TNIP1: variants seen among roughly 807,000 people sequenced by gnomAD.
TNIP1 encodes the protein TNFAIP3-interacting protein 1.
Under a neutral mutation model 86.6 loss-of-function variants are expected in TNIP1, and 22 were observed. The observed-to-expected ratio is 0.25, with a 90% CI of 0.18 to 0.36. The LOEUF (loss-of-function observed/expected upper bound fraction) is 0.36, where lower values mean the gene tolerates loss of function less well. TNIP1 is among the 10% of genes least tolerant of loss of function. TNIP1 has a pLI of 1.00. For missense variants in TNIP1, 709 were observed against 820.6 expected, an observed-to-expected ratio of 0.86 and a Z score of 1.66; for synonymous variants, 294 against 313.0, an observed-to-expected ratio of 0.94 and a Z score of 0.64.
At chr5:151,071,749 T>C (rs773858693) in intron 1 of TNIP1, among the ~76,000 whole-genome samples, 10 of 151,632 alleles carry the variant, frequency 6.6e-5, no homozygotes, top group Non-Finnish European at 1.2e-4. Context: ...TTCCTCAACA[T>C]GGCACACATC....
intron 17 of TNIP1, among the ~76,000 whole-genome samples, chr5:151,031,048 C>T (rs1052386154): frequency 2.0e-5 from 3 of 152,186 alleles, no homozygotes; most frequent in African/African-American, 7.2e-5. Flanking sequence ...AATCTCAAAT[C>T]CTGGAGCAGT....
intron 4 of TNIP1, among the ~76,000 whole-genome samples, chr5:151,060,927 C>T (rs1013014050): frequency 3.9e-5 from 6 of 152,232 alleles, no homozygotes; most frequent in East Asian, 1.9e-4. Flanking sequence ...GCAGCTGTTA[C>T]GGCCACCACC....
intron 7 of TNIP1, among the ~76,000 whole-genome samples, chr5:151,050,777 C>A (rs1759819782): frequency 6.6e-6 from 1 of 151,742 alleles, no homozygotes; most frequent in African/African-American, 2.4e-5. Context: ...CCCCACCACA[C>A]ACCCCCACCC....
Position 151,030,405 on chromosome 5 carries a change from G to A in TNIP1, c.*308C>T. ...TTGGCTGCCTCCCACTCTTAGGATTGCTGCTCCTGGAGGCTTCTGCAACGG... is the reference window on the plus strand; with the variant it reads ...TTGGCTGCCTCCCACTCTTAGGATTACTGCTCCTGGAGGCTTCTGCAACGG... On this transcript the variant is annotated 3_prime_UTR_variant, in exon 18 of 18. Coordinates refer to ENST00000521591, the MANE Select transcript of TNIP1 (RefSeq NM_006058.5). 2.0e-6 allele frequency: 1 copy of A among 512,232 alleles called. No individual in the cohort carries two copies. The highest frequency in any genetic ancestry group is 3.6e-6 in the Non-Finnish European group (1 of 281,152). 31.7% of individuals were successfully genotyped at this position (512,232 alleles called of 1,614,324 possible). A position where few individuals can be genotyped will look rare whatever the true frequency, so the allele number is the denominator to read the frequency against.
At chr5:151,062,693 T>C (rs1332326915) in intron 3 of TNIP1, among the ~76,000 whole-genome samples, 2 of 152,188 alleles carry the variant, frequency 1.3e-5, no homozygotes, top group African/African-American at 4.8e-5. Flanking sequence ...CAGTCCTTGC[T>C]GCAGGGAGCT....
chr5:151,060,104 C>A (rs1029746173), intron 5 of TNIP1, among the ~76,000 whole-genome samples: 5 of 152,154 alleles, frequency 3.3e-5, no homozygotes, highest in African/African-American at 1.2e-4. Context: ...TCACAACGGT[C>A]GGGTGCCCGT....
intron 5 of TNIP1, among the ~76,000 whole-genome samples, chr5:151,058,357 C>A (rs1760950697): frequency 6.6e-6 from 1 of 152,254 alleles, no homozygotes; most frequent in Non-Finnish European, 1.5e-5. Flanking sequence ...AAATAAAGCA[C>A]ACCGTGGGCC....
At chr5:151,040,846 A>C (rs997397409) in intron 11 of TNIP1, among the ~76,000 whole-genome samples, 1 of 152,194 alleles carries the variant, frequency 6.6e-6, no homozygotes, top group Non-Finnish European at 1.5e-5. Context: ...AGTTCCCATG[A>C]AGGGGAAAAC....
chr5:151,060,312 A>G lies in TNIP1; in HGVS notation c.435+6T>C. ...GTCAAGCCCGGGGTCCTGCCCGTCC[A>G]CTCACCATCGCATTGGCATGGCTGC... On this transcript the variant is annotated splice_donor_region_variant and intron_variant, in intron 5 of 17. Coordinates refer to ENST00000521591, the MANE Select transcript of TNIP1 (RefSeq NM_006058.5). 1 of 1,613,964 alleles carries G rather than the reference A, an allele frequency of 6.2e-7. No homozygotes were observed. Among genetic ancestry groups the G allele is most frequent in the Non-Finnish European group, 8.5e-7 (1 of 1,180,022 alleles).
chr5:151,039,347 T>C (rs1163481365), intron 11 of TNIP1, 122 bp from the exon 12 acceptor site: 1 of 1,131,780 alleles, frequency 8.8e-7, no homozygotes, highest in South Asian at 1.7e-5. Context: ...AATGCTCACA[T>C]GCAAAGCACC....
At chr5:151,060,962 C>T (rs1187171875) in intron 4 of TNIP1, among the ~76,000 whole-genome samples, 2 of 152,244 alleles carry the variant, frequency 1.3e-5, no homozygotes, top group African/African-American at 2.4e-5. Flanking sequence ...CTGGCCTTCC[C>T]AAGCCAGTCC....
In TNIP1 at chr5:151,042,420, T is replaced by C. The variant is rs886438635; in HGVS notation, c.1134+120A>G. On this transcript the variant is annotated intron_variant, in intron 11 of 17. Transcript: ENST00000521591. ...GAACGTGCCTGTGTTTTTGGTCACC[T>C]AGCTCTTTCGCACTAGACCCCCGGG... 9 of 1,401,328 alleles carry C rather than the reference T, an allele frequency of 6.4e-6. No individual in the cohort carries two copies. The African/African-American group carries it at 1.0e-4, about 16-fold the overall frequency. The allele number at this position is 1,401,328 out of a possible 1,614,324, so 86.8% of individuals were successfully genotyped here.
chr5:151,047,245 G>A (rs917455527), intron 8 of TNIP1, among the ~76,000 whole-genome samples: 5 of 152,208 alleles, frequency 3.3e-5, no homozygotes, highest in Non-Finnish European at 7.3e-5. Flanking sequence ...CGTCACCTCC[G>A]TGAGATTCTT....
chr5:151,075,941 C>T (rs1277050679), intron 1 of TNIP1, among the ~76,000 whole-genome samples: 1 of 152,242 alleles, frequency 6.6e-6, no homozygotes, highest in African/African-American at 2.4e-5. Flanking sequence ...CTACCCCACA[C>T]ACACACCCCT....
Position 151,039,125 on chromosome 5 carries a change from T to C in TNIP1, c.1235A>G (p.Gln412Arg). The C allele has an allele frequency of 1.9e-6, 3 of 1,614,004 alleles. No homozygotes were observed. Among genetic ancestry groups the C allele is most frequent in the Non-Finnish European group, 2.5e-6 (3 of 1,179,934 alleles). Residue 412 changes from glutamine (Q) to arginine (R), a missense_variant, in exon 12 of 18, where the codon CAG (glutamine) becomes CGG (arginine). Coordinates refer to ENST00000521591, the MANE Select transcript of TNIP1 (RefSeq NM_006058.5). ...LSPLTRQREY[Q>R]EKEIQRLNKA... is the part of the protein sequence containing the mutation. The stretch of plus-strand genomic sequence containing the variant: ...GTTGAGCCGCTGGATCTCCTTTTCC[T>C]GGTACTCACGCTGTCGGGTGAGTGG...
chr5:151,043,442 C>T (rs1001579440), intron 9 of TNIP1, among the ~76,000 whole-genome samples: 19 of 152,006 alleles, frequency 1.2e-4, no homozygotes, highest in Admixed American at 5.9e-4. Context: ...GTTAAAGAAA[C>T]GATAGTATAA....
Position 151,059,828 on chromosome 5 carries a change from AGTGTGTGTGTGT to A in TNIP1, c.435+478_435+489del, listed in dbSNP as rs760868810. 2.0e-3 allele frequency among the ~76,000 whole-genome samples: 113 copies of A among 56,384 alleles called. 1 individual carries two copies. The highest frequency in any genetic ancestry group is 5.0e-3 in the Admixed American group (24 of 4,760). 37.0% of individuals were successfully genotyped at this position (56,384 alleles called of 152,430 possible). ...GAGAGAGAGAGAGAGAGAGAGAGAG[AGTGTGTGTGTGT>A]GTGTGTGTGTGTGTGTGTGTGTGTG... On this transcript the variant is annotated intron_variant, in intron 5 of 17. Transcript: ENST00000521591.
chr5:151,054,876 T>C (rs957422595), intron 6 of TNIP1, among the ~76,000 whole-genome samples: 11 of 152,186 alleles, frequency 7.2e-5, no homozygotes, highest in African/African-American at 2.7e-4. Context: ...GCCATGTCTC[T>C]GGGCGAGGCC....
chr5:151,032,061 A>G, intron 17 of TNIP1: 1 of 552,170 alleles, frequency 1.8e-6, no homozygotes. Flanking sequence ...AGGCATCCAT[A>G]GCACCTAGCA....
Sources: gnomAD v4.1 joint callset for allele counts (sites outside exome capture counted in the v4.1 genomes callset) on GRCh38, gnomAD v4.1.1 for gene constraint, MANE v1.5 for transcripts, NCBI Gene and HGNC (gene_info 2026-07-23, HGNC 2026-07-21) for gene names.